Variants in DYRK4 observed in about 807,000 individuals in gnomAD.
DYRK4 encodes the protein dual specificity tyrosine phosphorylation regulated kinase 4, also known as dual specificity tyrosine-phosphorylation-regulated kinase 4.
Under a neutral mutation model 68.3 loss-of-function variants are expected in DYRK4, and 64 were observed. The observed-to-expected ratio is 0.94, with a 90% CI of 0.77 to 1.15. The LOEUF is 1.15. Among genes scored for constraint, DYRK4 ranks in the 50% most tolerant of loss-of-function variants. DYRK4 has a pLI of 0.00. For missense variants in DYRK4, 740 were observed against 764.7 expected (o/e 0.97, Z 0.38); for synonymous variants, 274 against 289.9 (o/e 0.95, Z 0.56).
intron 9 of DYRK4, among the ~76,000 whole-genome samples, chr12:4,599,452 A>G (rs1945056610): frequency 6.6e-6 from 1 of 152,120 alleles, no homozygotes; most frequent in Non-Finnish European, 1.5e-5. Context: ...TGCAGAATCA[A>G]TAGGGGGAAA....
intron 11 of DYRK4, 80 bp downstream of exon 11, chr12:4,605,166 A>G (rs1200628958): frequency 1.5e-6 from 2 of 1,332,182 alleles, no homozygotes; most frequent in Non-Finnish European, 2.1e-6. Flanking sequence ...AGACTCGCCC[A>G]GGACCATGGC....
In DYRK4 at chr12:4,613,520, A is replaced by G. The variant is rs2137417538; in HGVS notation, c.1672A>G (p.Ile558Val). Reference protein sequence around the residue: ...GCHHSSRKDEITKETTEKTKD... With the variant: ...GCHHSSRKDEVTKETTEKTKD... ...TCTTCTCTCTCCTTTAGCAGATGAG[A>G]TCACCAAAGAGACTACAGAGAAAAC... is the stretch of plus-strand genomic sequence containing the variant. Residue 558 changes from isoleucine (I) to valine (V), a missense_variant, in exon 15 of 15, where the codon ATC becomes GTC. Physicochemically the swap from Ile to Val is conservative, Grantham distance 29 (BLOSUM62 3). This residue lies in a region of DYRK4 where 614 missense variants were observed against 603.7 expected (regional missense o/e 1.02). Transcript: ENST00000543431. The surrounding 1 kb of genome is among the most constrained non-coding windows in gnomAD (Gnocchi z 4.0). 1 of 1,611,380 alleles carries G rather than the reference A, an allele frequency of 6.2e-7. No individual in the cohort carries two copies. Among genetic ancestry groups the G allele is most frequent in the South Asian group, 1.1e-5 (1 of 90,904 alleles).
At chr12:4,592,799 T>G in intron 5 of DYRK4, 1 of 521,782 alleles carries the variant, frequency 1.9e-6, no homozygotes, top group Non-Finnish European at 3.3e-6. Context: ...CCTTTCTCGA[T>G]TTGTTGAAAT....
intron 2 of DYRK4, chr12:4,573,188 G>A (rs1944750221): frequency 1.6e-6 from 1 of 614,006 alleles, no homozygotes; most frequent in Non-Finnish European, 2.5e-6. Context: ...ACATTAAAAC[G>A]TTTAAAATAT....
chr12:4,565,419 C>T (rs1565530597), intron 1 of DYRK4, among the ~76,000 whole-genome samples: 1 of 152,118 alleles, frequency 6.6e-6, no homozygotes, highest in Non-Finnish European at 1.5e-5. Context: ...CTGCTCCAGT[C>T]TCCAGTCTCA....
intron 2 of DYRK4, among the ~76,000 whole-genome samples, chr12:4,582,364 A>T (rs1276224696): frequency 6.6e-6 from 1 of 152,216 alleles, no homozygotes; most frequent in African/African-American, 2.4e-5. Context: ...GAATCGCTTG[A>T]ACCTGGGAGG....
chr12:4,566,215 G>A (rs1263991763), intron 1 of DYRK4, among the ~76,000 whole-genome samples: 1 of 152,004 alleles, frequency 6.6e-6, no homozygotes, highest in Non-Finnish European at 1.5e-5. Flanking sequence ...TCGTGATATT[G>A]CCAGAGAAAT....
intron 6 of DYRK4, among the ~76,000 whole-genome samples, chr12:4,594,596 C>T (rs1428015973): frequency 1.3e-5 from 2 of 152,148 alleles, no homozygotes; most frequent in Non-Finnish European, 2.9e-5. Context: ...GCTCCCTCCT[C>T]TGCTCCACCC....
rs761058659 is a variant in DYRK4, at chr12:4,610,283, G to A, written c.1489G>A (p.Val497Ile). ...SFLDFLRRCLVWEPSLRMTPD... is the reference protein window; with the variant it reads ...SFLDFLRRCLIWEPSLRMTPD... ...CCTGGACTTTCTCAGAAGGTGTTTGGTGTGAGTTTGTTGGGACATCTCTGC... is the reference window on the plus strand; with the variant it reads ...CCTGGACTTTCTCAGAAGGTGTTTGATGTGAGTTTGTTGGGACATCTCTGC... Residue 497 changes from valine to isoleucine, a missense_variant and splice_region_variant, in exon 13 of 15, where the codon GTA (valine) becomes ATA (isoleucine). By Grantham distance (29) the Val-to-Ile change is conservative. This residue lies in a region of DYRK4 where 614 missense variants were observed against 603.7 expected (regional missense o/e 1.02). Coordinates refer to ENST00000543431, the MANE Select transcript of DYRK4 (RefSeq NM_001394779.1). 6.4e-7 allele frequency: 1 copy of A among 1,556,828 alleles called. No homozygotes were observed. The highest frequency in any genetic ancestry group is 1.4e-5 in the African/African-American group (1 of 71,814).
rs1945235353 is a variant in DYRK4, at chr12:4,612,589, G to A, written c.1537G>A (p.Ala513Thr). The A allele has an allele frequency of 3.1e-6, 5 of 1,614,224 alleles. No individual in the cohort carries two copies. In the East Asian group the frequency reaches 1.1e-4, roughly 36 times the overall value. The part of the protein sequence containing the change: ...RMTPDQALKH[A>T]WIHQSRNLKP... ...GACCCCGGACCAGGCCCTCAAGCATGCTTGGATTCATCAGTCTCGGAACCT... is the reference window on the plus strand; with the variant it reads ...GACCCCGGACCAGGCCCTCAAGCATACTTGGATTCATCAGTCTCGGAACCT... The change falls in exon 14 of 15, where the codon GCT becomes ACT. Residue 513 changes from alanine to threonine, a missense_variant. Ala to Thr is a moderately conservative substitution (Grantham distance 58, BLOSUM62 0). Coordinates refer to ENST00000543431, the MANE Select transcript of DYRK4 (RefSeq NM_001394779.1).
intron 11 of DYRK4, among the ~76,000 whole-genome samples, chr12:4,606,516 TA>T (rs1306622772): frequency 7.2e-5 from 11 of 152,224 alleles, no homozygotes; most frequent in Non-Finnish European, 1.5e-4. Flanking sequence ...TGCGAGTCAT[TA>T]AACCTGGGGT....
chr12:4,610,381 A>T, intron 13 of DYRK4, 97 bp downstream of exon 13: 3 of 1,277,378 alleles, frequency 2.3e-6, no homozygotes, highest in Non-Finnish European at 3.2e-6. Context: ...GGAGATAGTT[A>T]TAAAAGTAAC....
At chr12:4,576,920 T>A (rs1360083594) in intron 2 of DYRK4, among the ~76,000 whole-genome samples, 1 of 152,208 alleles carries the variant, frequency 6.6e-6, no homozygotes, top group Non-Finnish European at 1.5e-5. Flanking sequence ...TTCTCAGATA[T>A]GTGTTTTGCA....
At chr12:4,582,682 A>C (rs925852380) in intron 2 of DYRK4, among the ~76,000 whole-genome samples, 1 of 152,140 alleles carries the variant, frequency 6.6e-6, no homozygotes, top group Non-Finnish European at 1.5e-5. Context: ...CGATGGGGAC[A>C]TGGACTGGAT....
chr12:4,585,120 G>C (rs1050413267), intron 2 of DYRK4, among the ~76,000 whole-genome samples: 14 of 152,190 alleles, frequency 9.2e-5, no homozygotes, highest in African/African-American at 3.1e-4. Flanking sequence ...TTATCTCTTA[G>C]TGATGACAAG....
At position 4,568,046 on chromosome 12, in the gene DYRK4, A is replaced by C; in HGVS notation, c.130A>C (p.Lys44Gln). 1 of 1,535,990 alleles carries C rather than the reference A, an allele frequency of 6.5e-7. No individual in the cohort carries two copies. ...ARKKQKFTSA[K>Q]VGSKLSVQIQ... ...AAAGAAACAAAAGTTCACCTCTGCG[A>C]AGGTAAAGATCCTTGAATTTTCACT... The change falls in exon 2 of 15, where the codon AAG (lysine) becomes CAG (glutamine). Residue 44 changes from lysine to glutamine, a missense_variant and splice_region_variant. This residue lies in a region of DYRK4 where 70 missense variants were observed against 71.1 expected (regional missense o/e 0.98). Coordinates refer to ENST00000543431, the MANE Select transcript of DYRK4 (RefSeq NM_001394779.1).
At chr12:4,573,959 C>G (rs907944218) in intron 2 of DYRK4, among the ~76,000 whole-genome samples, 2 of 152,154 alleles carry the variant, frequency 1.3e-5, no homozygotes, top group Non-Finnish European at 2.9e-5. Flanking sequence ...CGCGCAGTGG[C>G]TCACGCCTGT....
At chr12:4,583,740 G>A (rs1944866835) in intron 2 of DYRK4, among the ~76,000 whole-genome samples, 1 of 152,116 alleles carries the variant, frequency 6.6e-6, no homozygotes, top group Admixed American at 6.5e-5. Context: ...CTTGTGTTCA[G>A]TAATATGAAT....
At chr12:4,596,114 G>T in intron 6 of DYRK4, 35 bp from the exon 7 acceptor site, 1 of 1,609,020 alleles carries the variant, frequency 6.2e-7, no homozygotes, top group East Asian at 2.2e-5. Context: ...GGGAGCCCAT[G>T]GCTTTGCTCT....
Sources: gnomAD v4.1 joint callset for allele counts (sites outside exome capture counted in the v4.1 genomes callset) on GRCh38, gnomAD v4.1.1 for gene constraint, gnomAD v4.1.1 regional missense constraint, Gnocchi (gnomAD v3.1) non-coding constraint, MANE v1.5 for transcripts, NCBI Gene and HGNC (gene_info 2026-07-23, HGNC 2026-07-21) for gene names.